The following ANKS1A variants were observed in gnomAD, a reference collection of about 807,000 sequenced individuals.
The protein encoded by ANKS1A is ankyrin repeat and SAM domain-containing protein 1A.
In ANKS1A, 55 loss-of-function variants were observed where a neutral mutation model predicts 120.3. The observed-to-expected ratio is 0.46, with a 90% CI of 0.37 to 0.57. The LOEUF (loss-of-function observed/expected upper bound fraction) is 0.57, where lower values mean the gene tolerates loss of function less well. Ranked by LOEUF, ANKS1A falls within the 20% of genes least tolerant of loss-of-function variation. The pLI, the probability that ANKS1A is intolerant of heterozygous loss-of-function variation, is 0.00. For synonymous variants in ANKS1A, 590 were observed against 604.7 expected, an observed-to-expected ratio of 0.98 and a Z score of 0.36; for missense variants, 1,123 against 1,480.3, an observed-to-expected ratio of 0.76 and a Z score of 3.96.
chr6:35,079,737 C>A, intron 15 of ANKS1A, 69 bp downstream of exon 15: 1 of 1,612,104 alleles, frequency 6.2e-7, no homozygotes, highest in Non-Finnish European at 8.5e-7. Context: ...GGCAGCCTGG[C>A]CCAGCGGAAG....
At chr6:35,063,469 T>C (rs1284327678) in intron 13 of ANKS1A, among the ~76,000 whole-genome samples, 5 of 152,088 alleles carry the variant, frequency 3.3e-5, no homozygotes, top group South Asian at 2.1e-4. Flanking sequence ...GATGCTGGAG[T>C]GCTAAGTAGA....
intron 1 of ANKS1A, among the ~76,000 whole-genome samples, chr6:34,895,816 G>GTC (rs912478697): frequency 3.9e-5 from 4 of 101,572 alleles, no homozygotes; most frequent in South Asian, 3.3e-4. Context: ...CTGAGACAGT[G>GTC]TCTCTCTCTC....
chr6:35,025,668 T>C (rs923884181), intron 11 of ANKS1A, among the ~76,000 whole-genome samples: 5 of 152,224 alleles, frequency 3.3e-5, no homozygotes, highest in Middle Eastern at 3.2e-3. Context: ...TCTTTTTTTC[T>C]TCCTCCCTAC....
Position 34,915,986 on chromosome 6 carries a change from CTTTT to C in ANKS1A, c.197+26407_197+26410del, listed in dbSNP as rs202041070. Among the ~76,000 whole-genome samples, 735 of 104,536 alleles carry C rather than the reference CTTTT, an allele frequency of 7.0e-3. 13 individuals carry two copies. Among genetic ancestry groups the C allele is most frequent in the African/African-American group, 0.026 (674 of 25,552 alleles). The allele number at this position is 104,536 out of a possible 152,430, so 68.6% of individuals were successfully genotyped here. On this transcript the variant is annotated intron_variant, in intron 1 of 23. Coordinates refer to ENST00000360359, the MANE Select transcript of ANKS1A (RefSeq NM_015245.3). ...AGGTAAAGAGGCTTCATGTCTGGAT[CTTTT>C]TTTTTTTTTTTTTTTTTTTGGAGAT...
chr6:34,950,850 G>A (rs539301712), intron 1 of ANKS1A, among the ~76,000 whole-genome samples: 26 of 152,290 alleles, frequency 1.7e-4, no homozygotes, highest in Admixed American at 3.9e-4. Flanking sequence ...TGCTAAAACC[G>A]GGCTGGGCAG....
At chr6:35,055,352 CG>C (rs1243590338) in intron 12 of ANKS1A, among the ~76,000 whole-genome samples, 1 of 150,550 alleles carries the variant, frequency 6.6e-6, no homozygotes, top group Non-Finnish European at 1.5e-5. Flanking sequence ...TTTTTTGAGA[CG>C]GAGTCTCACT....
intron 1 of ANKS1A, among the ~76,000 whole-genome samples, chr6:34,899,386 C>T (rs1415414697): frequency 2.0e-5 from 3 of 151,894 alleles, no homozygotes; most frequent in Non-Finnish European, 4.4e-5. Context: ...GTGGCTAATA[C>T]CTATAATCCC....
downstream of ANKS1A, chr6:35,091,466 G>A (rs532045014): frequency 5.1e-6 from 5 of 972,146 alleles, no homozygotes; most frequent in South Asian, 4.8e-5. Context: ...TGGCAGAGGC[G>A]TGGGCACAGG....
chr6:34,976,112 T>C (rs1207179888), intron 3 of ANKS1A, among the ~76,000 whole-genome samples: 4 of 122,736 alleles, frequency 3.3e-5, no homozygotes, highest in Non-Finnish European at 3.2e-5. Flanking sequence ...CACTCCAACC[T>C]GGATGACAGA....
intron 3 of ANKS1A, among the ~76,000 whole-genome samples, chr6:34,976,147 A>G (rs67413993): frequency 0.036 from 5,310 of 145,836 alleles, 236 homozygotes; most frequent in South Asian, 0.058. Flanking sequence ...AAAAAAAAAA[A>G]AAAAGAAAAG....
chr6:34,895,158 G>A (rs1767007884), intron 1 of ANKS1A, among the ~76,000 whole-genome samples: 1 of 148,152 alleles, frequency 6.7e-6, no homozygotes, highest in African/African-American at 2.5e-5. Flanking sequence ...ATTCATTGTT[G>A]TAAAGAAAGC....
intron 1 of ANKS1A, among the ~76,000 whole-genome samples, chr6:34,902,343 G>A (rs1767394397): frequency 6.6e-6 from 1 of 151,894 alleles, no homozygotes. Context: ...CCACCTGCCG[G>A]GTTCAAACAA....
Position 35,088,251 on chromosome 6 carries a change from T to G in ANKS1A, c.3402-355T>G, listed in dbSNP as rs565076647. The stretch of plus-strand genomic sequence containing the variant: ...TTTGAAGAGGCACCCCATTCTCCAG[T>G]GTGGGCAAATCAGTTTGGATGGCAG... On this transcript the variant is annotated intron_variant, in intron 23 of 23. Transcript: ENST00000360359. 1.2e-4 allele frequency among the ~76,000 whole-genome samples: 19 copies of G among 152,226 alleles called. 1 individual carries two copies. The South Asian group carries it at 3.5e-3, about 28-fold the overall frequency.
chr6:35,095,571 A>G (rs1443833092), downstream of ANKS1A, among the ~76,000 whole-genome samples: 29 of 150,540 alleles, frequency 1.9e-4, no homozygotes, highest in African/African-American at 6.6e-4. Flanking sequence ...AAAAAAAAAA[A>G]AAAAGGAAAG....
In ANKS1A at chr6:35,082,622, G is replaced by C; in HGVS notation, c.2710-69G>C. The C allele has an allele frequency of 1.3e-6, 2 of 1,528,882 alleles. No individual in the cohort carries two copies. Among genetic ancestry groups the C allele is most frequent in the Non-Finnish European group, 8.8e-7 (1 of 1,137,470 alleles). 94.7% of individuals were successfully genotyped at this position (1,528,882 alleles called of 1,614,324 possible). A position where few individuals can be genotyped will look rare whatever the true frequency, so the allele number is the denominator to read the frequency against. ...GGCATCTTCACCCTTGAGTGTGCTGGAGCCAGGCAGCAAGCCCATGTGCTC... is the reference window on the plus strand; with the variant it reads ...GGCATCTTCACCCTTGAGTGTGCTGCAGCCAGGCAGCAAGCCCATGTGCTC... On this transcript the variant is annotated intron_variant, in intron 17 of 23. Transcript: ENST00000360359. The surrounding 1 kb of genome is among the most constrained non-coding windows in gnomAD (Gnocchi z 4.1).
At chr6:34,986,694 AT>A (rs1339861057) in intron 8 of ANKS1A, among the ~76,000 whole-genome samples, 1 of 152,138 alleles carries the variant, frequency 6.6e-6, no homozygotes, top group Non-Finnish European at 1.5e-5. Flanking sequence ...CTGAAACACC[AT>A]TTTAGTATGG....
At chr6:35,017,420 T>C in intron 10 of ANKS1A, 53 bp from the exon 11 acceptor site, 1 of 1,532,884 alleles carries the variant, frequency 6.5e-7, no homozygotes, top group Non-Finnish European at 8.8e-7. Context: ...GGAACTTTGT[T>C]GATTTTTGCC....
chr6:35,010,182 A>T (rs570928532), intron 10 of ANKS1A, among the ~76,000 whole-genome samples: 5 of 150,720 alleles, frequency 3.3e-5, no homozygotes, highest in South Asian at 2.1e-4. Flanking sequence ...AATAATAATA[A>T]TTTTTTTTTT....
intron 13 of ANKS1A, among the ~76,000 whole-genome samples, chr6:35,073,241 C>T (rs908405780): frequency 6.6e-6 from 1 of 152,188 alleles, no homozygotes; most frequent in Non-Finnish European, 1.5e-5. Flanking sequence ...GCCCAGGGAA[C>T]TCTTGTTATG....
Sources: allele counts gnomAD v4.1 joint callset (sites outside exome capture counted in the v4.1 genomes callset), GRCh38; gene constraint gnomAD v4.1.1; non-coding constraint Gnocchi (gnomAD v3.1); transcripts MANE v1.5; gene names NCBI Gene and HGNC (gene_info 2026-07-23, HGNC 2026-07-21).